SLCO5A1: variants seen among roughly 807,000 people sequenced by gnomAD.
SLCO5A1 encodes the protein organic anion transporter polypeptide-related protein 4.
A neutral mutation model predicts 65.1 loss-of-function variants in SLCO5A1; 39 were observed. That is an observed-to-expected ratio of 0.60 (90% confidence interval 0.46 to 0.78). SLCO5A1 has a LOEUF of 0.78. Ranked by LOEUF, SLCO5A1 falls within the 30% of genes least tolerant of loss-of-function variation. The pLI, the probability that SLCO5A1 is intolerant of heterozygous loss-of-function variation, is 0.00. For missense variants in SLCO5A1, 1,029 were observed against 1,069.4 expected (o/e 0.96, Z 0.53); for synonymous variants, 438 against 415.7 (o/e 1.05, Z -0.65).
chr8:69,786,722 T>A (rs928833519), intron 2 of SLCO5A1, among the ~76,000 whole-genome samples: 12 of 152,232 alleles, frequency 7.9e-5, no homozygotes, highest in Admixed American at 7.9e-4. Flanking sequence ...AAGTACATAC[T>A]TGGTCATCTA....
Position 69,832,932 on chromosome 8 carries a change from TCGGCGTC to T in SLCO5A1, c.-266_-260del. 2.1e-6 allele frequency: 1 copy of T among 474,498 alleles called. No individual in the cohort carries two copies. The highest frequency in any genetic ancestry group is 3.6e-6 in the Non-Finnish European group (1 of 274,182). The allele number at this position is 474,498 out of a possible 1,614,324, so 29.4% of individuals were successfully genotyped here. On this transcript the variant is annotated 5_prime_UTR_variant, in exon 2 of 10. The change creates a premature stop within an existing upstream ORF in the 5' untranslated region. Coordinates refer to ENST00000260126, the MANE Select transcript of SLCO5A1 (RefSeq NM_030958.3). This position sits in a 1 kb window ranked among gnomAD's most constrained non-coding sequence, Gnocchi z 4.5. ...CGCGCGGTACTGCGATGAGCCCTAC[TCGGCGTC>T]CCTCTCCGGGCGGTAGCTTGAGGCA...
At chr8:69,725,460 G>GATGTATGT (rs61338509) in intron 5 of SLCO5A1, among the ~76,000 whole-genome samples, 14,421 of 150,440 alleles carry the variant, frequency 0.096, 769 homozygotes, top group African/African-American at 0.11. Context: ...AAAGAATAAA[G>GATGTATGT]ATGTATGTAT....
chr8:69,693,126 A>T (rs970598346), intron 6 of SLCO5A1, among the ~76,000 whole-genome samples: 1 of 152,222 alleles, frequency 6.6e-6, no homozygotes, highest in Admixed American at 6.5e-5. Context: ...ACAATCTTAC[A>T]GGATGACCAT....
At chr8:69,686,061 A>T (rs1813984199) in intron 6 of SLCO5A1, among the ~76,000 whole-genome samples, 2 of 142,750 alleles carry the variant, frequency 1.4e-5, no homozygotes, top group South Asian at 4.1e-4. Context: ...ATCTAAACAT[A>T]CTTCTACTAC....
At chr8:69,695,718 T>A in intron 6 of SLCO5A1, among the ~76,000 whole-genome samples, 1 of 152,090 alleles carries the variant, frequency 6.6e-6, no homozygotes, top group Middle Eastern at 3.2e-3. Context: ...TCAACAATGG[T>A]ATGTAATTTT....
chr8:69,755,694 G>A, intron 3 of SLCO5A1, 53 bp from the exon 4 acceptor site: 1 of 1,475,212 alleles, frequency 6.8e-7, no homozygotes, highest in Non-Finnish European at 9.2e-7. Flanking sequence ...TTGTGAGTGA[G>A]AACAAATTAG....
At chr8:69,685,055 C>T (rs1347342036) in intron 6 of SLCO5A1, among the ~76,000 whole-genome samples, 3 of 152,022 alleles carry the variant, frequency 2.0e-5, no homozygotes, top group Non-Finnish European at 4.4e-5. Flanking sequence ...GTGTCTGATA[C>T]AAATAAATGC....
intron 4 of SLCO5A1, among the ~76,000 whole-genome samples, chr8:69,754,319 A>T (rs1048424656): frequency 6.6e-6 from 1 of 152,214 alleles, no homozygotes; most frequent in Admixed American, 6.5e-5. Context: ...TTTTCAATGA[A>T]ATAGCACTTC....
chr8:69,756,939 T>G (rs1817563087), intron 3 of SLCO5A1, among the ~76,000 whole-genome samples: 1 of 152,192 alleles, frequency 6.6e-6, no homozygotes, highest in Non-Finnish European at 1.5e-5. Context: ...CCATTCAAGC[T>G]TCCAAGTTCA....
chr8:69,765,090 C>G (rs1817994493), intron 2 of SLCO5A1, among the ~76,000 whole-genome samples: 1 of 152,090 alleles, frequency 6.6e-6, no homozygotes, highest in African/African-American at 2.4e-5. Flanking sequence ...ATATAGCAAG[C>G]AAGTCCAGTG....
intron 7 of SLCO5A1, among the ~76,000 whole-genome samples, chr8:69,680,262 G>A (rs115893029): frequency 0.023 from 3,524 of 152,280 alleles, 113 homozygotes; most frequent in African/African-American, 0.071. Context: ...GTTCCCAACA[G>A]GTAGTTTTTC....
intron 5 of SLCO5A1, among the ~76,000 whole-genome samples, chr8:69,712,232 T>C (rs1438691183): frequency 6.6e-6 from 1 of 152,206 alleles, no homozygotes; most frequent in Non-Finnish European, 1.5e-5. Context: ...TATCTAGTCA[T>C]TTATCCAAGC....
chr8:69,813,689 G>C (rs1221773988), intron 2 of SLCO5A1, among the ~76,000 whole-genome samples: 1 of 152,206 alleles, frequency 6.6e-6, no homozygotes, highest in African/African-American at 2.4e-5. Context: ...GACTCCTCTG[G>C]AGACCTGAGT....
At chr8:69,734,901 T>G (rs753992903) in intron 5 of SLCO5A1, among the ~76,000 whole-genome samples, 9 of 151,930 alleles carry the variant, frequency 5.9e-5, no homozygotes, top group Non-Finnish European at 1.2e-4. Flanking sequence ...AAATGAAATC[T>G]ATGCCCAGAG....
rs775148825 is a variant in SLCO5A1 at position 69,761,799 on chromosome 8, A to G, written c.984T>C (p.Val328=). 1.9e-6 allele frequency: 3 copies of G among 1,614,054 alleles called. No homozygotes were observed. In the South Asian group the frequency reaches 3.3e-5, roughly 18 times the overall value. ...LLGGLLIGFY[V]DPRNPVHLDQ... is the part of the protein sequence containing the mutation. ...CAAGGTGAACAGGATTTCTGGGATC[A>G]ACATAAAAACCAATAAGAAGTCCAC... The change falls in exon 3 of 10, where the codon GTT becomes GTC. Residue 328 remains valine, a synonymous_variant. Coordinates refer to ENST00000260126, the MANE Select transcript of SLCO5A1 (RefSeq NM_030958.3).
chr8:69,752,375 A>G (rs1203718470), intron 4 of SLCO5A1, among the ~76,000 whole-genome samples: 1 of 152,080 alleles, frequency 6.6e-6, no homozygotes, highest in African/African-American at 2.4e-5. Context: ...TTAAGGCAAG[A>G]CCTCAATAAT....
intron 2 of SLCO5A1, among the ~76,000 whole-genome samples, chr8:69,798,238 A>G (rs758360261): frequency 5.9e-5 from 9 of 152,046 alleles, no homozygotes; most frequent in Non-Finnish European, 1.0e-4. Flanking sequence ...AGTCACTTCC[A>G]CATTTTCAGG....
At chr8:69,816,999 T>C (rs1198538119) in intron 2 of SLCO5A1, among the ~76,000 whole-genome samples, 1 of 152,244 alleles carries the variant, frequency 6.6e-6, no homozygotes, top group East Asian at 1.9e-4. Context: ...TTTGACTGTA[T>C]AACCTGGACA....
At chr8:69,689,614 G>A (rs901491264) in intron 6 of SLCO5A1, among the ~76,000 whole-genome samples, 1 of 137,884 alleles carries the variant, frequency 7.3e-6, no homozygotes, top group South Asian at 2.6e-4. Flanking sequence ...CCCATTGCTT[G>A]TTTTTGTCAG....
Sources: gnomAD v4.1 joint callset for allele counts (sites outside exome capture counted in the v4.1 genomes callset) on GRCh38, gnomAD v4.1.1 for gene constraint, Gnocchi (gnomAD v3.1) non-coding constraint, MANE v1.5 for transcripts, NCBI Gene and HGNC (gene_info 2026-07-23, HGNC 2026-07-21) for gene names.